The following UBE2W variants were observed in gnomAD, a reference collection of about 807,000 sequenced individuals.
UBE2W encodes the protein ubiquitin conjugating enzyme E2 W.
Under a neutral mutation model 27.2 loss-of-function variants are expected in UBE2W, and 18 were observed. That is an observed-to-expected ratio of 0.66 (90% confidence interval 0.46 to 0.98). UBE2W has a LOEUF of 0.98. Among genes scored for constraint, UBE2W ranks in the 50% least tolerant of loss-of-function variants. UBE2W has a pLI of 0.00. For missense variants in UBE2W, 90 were observed against 180.2 expected, an observed-to-expected ratio of 0.50 and a Z score of 2.87; for synonymous variants, 53 against 57.2, an observed-to-expected ratio of 0.93 and a Z score of 0.33.
intron 2 of UBE2W, among the ~76,000 whole-genome samples, chr8:73,829,405 G>C (rs1483071818): frequency 6.6e-6 from 1 of 152,058 alleles, no homozygotes; most frequent in Non-Finnish European, 1.5e-5. Flanking sequence ...AAAAGAGTCA[G>C]TTTCATTTGT....
At chr8:73,848,267 TTAC>T (rs776608613) in intron 1 of UBE2W, among the ~76,000 whole-genome samples, 2 of 152,124 alleles carry the variant, frequency 1.3e-5, no homozygotes, top group Non-Finnish European at 2.9e-5. Context: ...TAAAAGTGAA[TTAC>T]AACACAGATC....
chr8:73,846,881 A>G (rs1563615636), intron 1 of UBE2W, among the ~76,000 whole-genome samples: 2 of 152,212 alleles, frequency 1.3e-5, no homozygotes, highest in Admixed American at 1.3e-4. Flanking sequence ...TTAACATAAA[A>G]AACTAACTGG....
At chr8:73,815,125 C>T (rs1278110391) in intron 3 of UBE2W, among the ~76,000 whole-genome samples, 8 of 152,096 alleles carry the variant, frequency 5.3e-5, no homozygotes, top group Non-Finnish European at 1.2e-4. Context: ...ACCTGTAATC[C>T]TAGCACTTTG....
Position 73,790,089 on chromosome 8 carries a change from T to C in UBE2W, c.*4013A>G. The C allele has an allele frequency of 1.0e-6, 1 of 984,872 alleles. No individual in the cohort carries two copies. Among genetic ancestry groups the C allele is most frequent in the Non-Finnish European group, 1.2e-6 (1 of 829,632 alleles). The allele number at this position is 984,872 out of a possible 1,614,324, so 61.0% of individuals were successfully genotyped here. The stretch of plus-strand genomic sequence containing the variant: ...ACAAACTGAAATTAGTATCAGAAAC[T>C]CCATGTATTTTATTTGTAGGAGAGC... On this transcript the variant is annotated 3_prime_UTR_variant, in exon 6 of 6. Coordinates refer to ENST00000602593, the MANE Select transcript of UBE2W (RefSeq NM_018299.6).
At chr8:73,806,150 G>C (rs928102390) in intron 4 of UBE2W, among the ~76,000 whole-genome samples, 3 of 151,954 alleles carry the variant, frequency 2.0e-5, no homozygotes, top group African/African-American at 7.2e-5. Flanking sequence ...CGAGACTCTC[G>C]TCTCAAAACA....
At chr8:73,859,297 G>T (rs1297822807) in intron 1 of UBE2W, among the ~76,000 whole-genome samples, 1 of 152,132 alleles carries the variant, frequency 6.6e-6, no homozygotes, top group African/African-American at 2.4e-5. Context: ...CTTGAAGCCC[G>T]GAGTTTGAGA....
At chr8:73,808,894 C>G (rs1298454275) in intron 4 of UBE2W, among the ~76,000 whole-genome samples, 1 of 152,140 alleles carries the variant, frequency 6.6e-6, no homozygotes, top group Non-Finnish European at 1.5e-5. Context: ...AGAATATAGT[C>G]ATTCTCTAGT....
Position 73,788,549 on chromosome 8 carries a change from G to T in UBE2W, c.*5553C>A. 1 of 985,336 alleles carries T rather than the reference G, an allele frequency of 1.0e-6. No individual in the cohort carries two copies. Among genetic ancestry groups the T allele is most frequent in the Non-Finnish European group, 1.2e-6 (1 of 829,872 alleles). 61.0% of individuals were successfully genotyped at this position (985,336 alleles called of 1,614,324 possible). A position where few individuals can be genotyped will look rare whatever the true frequency, so the allele number is the denominator to read the frequency against. ...AATCTGTGGTTAACTATGAAAAGATGCATTTTCATGGTATCTGACACAATT... is the reference window on the plus strand; with the variant it reads ...AATCTGTGGTTAACTATGAAAAGATTCATTTTCATGGTATCTGACACAATT... On this transcript the variant is annotated 3_prime_UTR_variant, in exon 6 of 6. Transcript: ENST00000602593.
Position 73,865,180 on chromosome 8 carries a change from C to CAAAAAAAAAAAAAAAA in UBE2W, c.15+13612_15+13627dup, listed in dbSNP as rs11354153. On this transcript the variant is annotated intron_variant, in intron 1 of 5. Coordinates refer to ENST00000602593, the MANE Select transcript of UBE2W (RefSeq NM_018299.6). The stretch of plus-strand genomic sequence containing the variant: ...CACTGCTCTTTAAGTGTGCAAACGT[C>CAAAAAAAAAAAAAAAA]AAAAAAAAAAAAAAAAAAAAAAAAA... 4.6e-4 allele frequency among the ~76,000 whole-genome samples: 15 copies of CAAAAAAAAAAAAAAAA among 32,856 alleles called. 3 individuals carry two copies. The highest frequency in any genetic ancestry group is 1.3e-3 in the African/African-American group (15 of 11,940). The allele number at this position is 32,856 out of a possible 152,430, so 21.6% of individuals were successfully genotyped here. A position where few individuals can be genotyped will look rare whatever the true frequency, so the allele number is the denominator to read the frequency against.
chr8:73,878,294 G>A (rs1184782712), intron 1 of UBE2W, among the ~76,000 whole-genome samples: 2 of 152,220 alleles, frequency 1.3e-5, no homozygotes, highest in Non-Finnish European at 2.9e-5. Context: ...TGGGGGGCCC[G>A]GCGTGGGAGG....
At chr8:73,864,547 A>G (rs963713802) in intron 1 of UBE2W, among the ~76,000 whole-genome samples, 3 of 152,078 alleles carry the variant, frequency 2.0e-5, no homozygotes, top group Non-Finnish European at 4.4e-5. Flanking sequence ...TCTTCAACCA[A>G]TCAAAAGTAA....
At chr8:73,809,243 C>T (rs1809050325) in intron 4 of UBE2W, among the ~76,000 whole-genome samples, 1 of 152,096 alleles carries the variant, frequency 6.6e-6, no homozygotes, top group Admixed American at 6.5e-5. Context: ...GCTTAGAGTG[C>T]TTCAGATTCT....
chr8:73,816,437 CAAGAT>C (rs1397690648), intron 3 of UBE2W, among the ~76,000 whole-genome samples: 1 of 152,056 alleles, frequency 6.6e-6, no homozygotes, highest in African/African-American at 2.4e-5. Flanking sequence ...GAAAAAAAGA[CAAGAT>C]GAGGACATCA....
At chr8:73,805,932 TTGAG>T (rs1808885408) in intron 4 of UBE2W, among the ~76,000 whole-genome samples, 1 of 152,156 alleles carries the variant, frequency 6.6e-6, no homozygotes, top group African/African-American at 2.4e-5. Context: ...ATAAGCGTGT[TTGAG>T]TGTGGTCTGT....
At chr8:73,852,120 A>T (rs1320131950) in intron 1 of UBE2W, among the ~76,000 whole-genome samples, 2 of 152,112 alleles carry the variant, frequency 1.3e-5, no homozygotes, top group Non-Finnish European at 2.9e-5. Context: ...GGTTGGAGGC[A>T]ACTGAGATTA....
chr8:73,813,716 C>A (rs1586467379), intron 3 of UBE2W, among the ~76,000 whole-genome samples: 1 of 150,816 alleles, frequency 6.6e-6, no homozygotes, highest in Non-Finnish European at 1.5e-5. Context: ...AGTTCATTCA[C>A]ATAAGGGGCA....
chr8:73,805,636 A>G lies in UBE2W; in HGVS notation c.442+15T>C. 6.8e-7 allele frequency: 1 copy of G among 1,476,202 alleles called. No individual in the cohort carries two copies. The highest frequency in any genetic ancestry group is 9.1e-7 in the Non-Finnish European group (1 of 1,100,552). 91.4% of individuals were successfully genotyped at this position (1,476,202 alleles called of 1,614,324 possible). On this transcript the variant is annotated intron_variant, in intron 5 of 5. Transcript: ENST00000602593. Reference sequence around the variant, plus strand: ...TCAAAATGCTAAAAAGTTATTACAAATTCAAACTGCTTACCATGATACCAC... The same window carrying G: ...TCAAAATGCTAAAAAGTTATTACAAGTTCAAACTGCTTACCATGATACCAC...
At position 73,793,663 on chromosome 8, in the gene UBE2W, GT is replaced by G. The variant is rs1808292530; in HGVS notation, c.*438del. 1 of 987,780 alleles carries G rather than the reference GT, an allele frequency of 1.0e-6. No individual in the cohort carries two copies. The highest frequency in any genetic ancestry group is 1.2e-6 in the Non-Finnish European group (1 of 831,544). The allele number at this position is 987,780 out of a possible 1,614,324, so 61.2% of individuals were successfully genotyped here. On this transcript the variant is annotated 3_prime_UTR_variant, in exon 6 of 6. Transcript: ENST00000602593. ...TTTATTTATATTCCCACTATAACCAGTAAGTTCATTTCATAGGCCCTATCAT... is the reference window on the plus strand; with the variant it reads ...TTTATTTATATTCCCACTATAACCAGAAGTTCATTTCATAGGCCCTATCAT...
At chr8:73,780,220 C>A in exon 5 of UBE2W, 1 of 176,902 alleles carries the variant, frequency 5.7e-6, no homozygotes, top group South Asian at 1.2e-4. Flanking sequence ...CTGCCTCTTC[C>A]AGCCTCTGAT....
Sources: gnomAD v4.1 joint callset for allele counts (sites outside exome capture counted in the v4.1 genomes callset) on GRCh38, gnomAD v4.1.1 for gene constraint, MANE v1.5 for transcripts, NCBI Gene and HGNC (gene_info 2026-07-23, HGNC 2026-07-21) for gene names.